Variants in FRMPD4 observed in about 807,000 individuals in gnomAD.
FRMPD4 encodes the protein FERM and PDZ domain-containing protein 4.
Under a neutral mutation model 94.1 loss-of-function variants are expected in FRMPD4, and 22 were observed. The ratio of observed to expected loss-of-function variants is 0.23; its 90% confidence interval spans 0.17 to 0.33. The LOEUF is 0.33. FRMPD4 is among the 10% of genes least tolerant of loss of function. The pLI, the probability that FRMPD4 is intolerant of heterozygous loss-of-function variation, is 1.00. For synonymous variants in FRMPD4, 631 were observed against 548.6 expected, an observed-to-expected ratio of 1.15 and a Z score of -2.10; for missense variants, 1,111 against 1,339.9, an observed-to-expected ratio of 0.83 and a Z score of 2.67.
chrX:12,355,732 G>A (rs1400059383), intron 1 of FRMPD4, among the ~76,000 whole-genome samples: 1 of 111,421 alleles, frequency 9.0e-6, no homozygotes, highest in Non-Finnish European at 1.9e-5. Flanking sequence ...CTATGAGGGA[G>A]GAATTTGCAA....
At chrX:11,921,513 G>A (rs2054056243) in intron 3 of FRMPD4, among the ~76,000 whole-genome samples, 1 of 111,787 alleles carries the variant, frequency 8.9e-6, no homozygotes, top group South Asian at 3.8e-4. Context: ...CATAACAGGG[G>A]GAAAGTAGAG....
chrX:12,064,788 A>T (rs1489999953), intron 3 of FRMPD4, among the ~76,000 whole-genome samples: 1 of 112,148 alleles, frequency 8.9e-6, no homozygotes, highest in Non-Finnish European at 1.9e-5. Flanking sequence ...CTGGAGCTTT[A>T]TACAGTAATT....
intron 1 of FRMPD4, among the ~76,000 whole-genome samples, chrX:12,447,899 C>T (rs906277870): frequency 4.5e-5 from 5 of 111,969 alleles, no homozygotes; most frequent in African/African-American, 9.8e-5. Context: ...GTGTTGCCTT[C>T]GAACATCTGC....
At chrX:11,901,513 G>C (rs1397192585) in intron 3 of FRMPD4, among the ~76,000 whole-genome samples, 1 of 112,193 alleles carries the variant, frequency 8.9e-6, no homozygotes, top group East Asian at 2.8e-4. Context: ...AGGAGACTTA[G>C]GTTGCTCCCA....
chrX:12,474,603 A>G (rs1464867318), intron 1 of FRMPD4, among the ~76,000 whole-genome samples: 2 of 111,847 alleles, frequency 1.8e-5, no homozygotes, highest in Non-Finnish European at 3.8e-5. Flanking sequence ...AATCAAATAG[A>G]CGCAATAAAT....
At chrX:12,161,192 T>C (rs939588415) in intron 1 of FRMPD4, among the ~76,000 whole-genome samples, 12 of 109,329 alleles carry the variant, frequency 1.1e-4, no homozygotes, top group African/African-American at 4.0e-4. Context: ...AGTGTCTTGC[T>C]CTGTTACCGA....
At chrX:11,852,452 A>G (rs1185335729) in intron 1 of FRMPD4, among the ~76,000 whole-genome samples, 2 of 108,726 alleles carry the variant, frequency 1.8e-5, no homozygotes, top group East Asian at 5.7e-4. Flanking sequence ...CAAAAAAAAA[A>G]AAAAAAAAAG....
At chrX:12,612,250 A>G (rs1317745060) in intron 3 of FRMPD4, among the ~76,000 whole-genome samples, 1 of 111,686 alleles carries the variant, frequency 9.0e-6, no homozygotes, top group Admixed American at 9.5e-5. Context: ...ATTTTTTGGT[A>G]TCATCTCACT....
chrX:12,526,171 A>G lies in FRMPD4; in HGVS notation c.158+27375A>G, dbSNP rs778785313. ...ACTGATTAGCGGTTCCCACAAGCGTATAGCCATCTGCAGGCTCCCCTGGTG... is the reference window on the plus strand; with the variant it reads ...ACTGATTAGCGGTTCCCACAAGCGTGTAGCCATCTGCAGGCTCCCCTGGTG... On this transcript the variant is annotated intron_variant, in intron 2 of 16. Coordinates refer to ENST00000675598, the MANE Select transcript of FRMPD4 (RefSeq NM_001368397.1). Among the ~76,000 whole-genome samples, 3 of 112,450 alleles carry G rather than the reference A, an allele frequency of 2.7e-5. No individual in the cohort carries two copies. In the South Asian group the frequency reaches 1.1e-3, roughly 42 times the overall value.
intron 3 of FRMPD4, among the ~76,000 whole-genome samples, chrX:12,064,382 T>A (rs754983784): frequency 2.7e-5 from 3 of 111,917 alleles, no homozygotes; most frequent in Non-Finnish European, 5.6e-5. Flanking sequence ...GAGAGTACCA[T>A]ATCCCTGGCA....
At chrX:12,013,579 A>G (rs1306058676) in intron 3 of FRMPD4, among the ~76,000 whole-genome samples, 1 of 113,160 alleles carries the variant, frequency 8.8e-6, no homozygotes, top group Non-Finnish European at 1.9e-5. Context: ...ATGAAGGGCT[A>G]GGATCAGCTT....
chrX:12,295,218 T>C (rs939090367), intron 1 of FRMPD4, among the ~76,000 whole-genome samples: 11 of 112,450 alleles, frequency 9.8e-5, no homozygotes, highest in African/African-American at 3.6e-4. Flanking sequence ...GCAGAGAATC[T>C]ATAGGAGAAA....
chrX:12,553,973 A>T (rs2058568029), intron 2 of FRMPD4, among the ~76,000 whole-genome samples: 1 of 111,650 alleles, frequency 9.0e-6, no homozygotes, highest in Non-Finnish European at 1.9e-5. Flanking sequence ...TGGTGGACAT[A>T]GGTTTTGTTT....
chrX:12,131,995 C>T (rs1170060602), intron 3 of FRMPD4, among the ~76,000 whole-genome samples: 3 of 111,987 alleles, frequency 2.7e-5, no homozygotes, highest in African/African-American at 9.8e-5. Flanking sequence ...TTCCAACCCC[C>T]AGTCCCTCTC....
At chrX:12,166,344 G>A (rs2056117784) in intron 1 of FRMPD4, among the ~76,000 whole-genome samples, 1 of 111,830 alleles carries the variant, frequency 8.9e-6, no homozygotes, top group Non-Finnish European at 1.9e-5. Flanking sequence ...TTTATATGCT[G>A]GATTGTGTTT....
chrX:12,116,654 C>A (rs556192603), intron 3 of FRMPD4, among the ~76,000 whole-genome samples: 1 of 111,521 alleles, frequency 9.0e-6, no homozygotes, highest in Non-Finnish European at 1.9e-5. Context: ...GGTGATGGAG[C>A]GTAATTTTCT....
chrX:11,914,282 C>CT (rs1184115335), intron 3 of FRMPD4, among the ~76,000 whole-genome samples: 1 of 91,370 alleles, frequency 1.1e-5, no homozygotes, highest in Non-Finnish European at 2.2e-5. Flanking sequence ...AGAAATATGA[C>CT]TTTTTTTTCT....
At chrX:12,023,438 G>A (rs2054642582) in intron 3 of FRMPD4, among the ~76,000 whole-genome samples, 1 of 111,450 alleles carries the variant, frequency 9.0e-6, no homozygotes, top group Non-Finnish European at 1.9e-5. Flanking sequence ...GTTTGTTCCT[G>A]CTCACTGGAT....
chrX:12,647,944 C>G (rs1009870894), intron 4 of FRMPD4, among the ~76,000 whole-genome samples: 8 of 111,505 alleles, frequency 7.2e-5, no homozygotes, highest in Non-Finnish European at 5.6e-5. Flanking sequence ...TCCAAGAATC[C>G]TACCACACTC....
Sources: allele counts gnomAD v4.1 joint callset (sites outside exome capture counted in the v4.1 genomes callset), GRCh38; gene constraint gnomAD v4.1.1; transcripts MANE v1.5; gene names NCBI Gene and HGNC (gene_info 2026-07-23, HGNC 2026-07-21).